The following FTO variants were observed in gnomAD, a reference collection of about 807,000 sequenced individuals.
FTO encodes alpha-ketoglutarate-dependent dioxygenase FTO.
A neutral mutation model predicts 63.9 loss-of-function variants in FTO; 47 were observed. That is an observed-to-expected ratio of 0.74 (90% CI 0.58 to 0.94). The LOEUF (loss-of-function observed/expected upper bound fraction) is 0.94, where lower values mean the gene tolerates loss of function less well. FTO is among the 40% of genes least tolerant of loss of function. The pLI, the probability that FTO is intolerant of heterozygous loss-of-function variation, is 0.00. For missense variants in FTO, 562 were observed against 618.1 expected, an observed-to-expected ratio of 0.91 and a Z score of 0.96; for synonymous variants, 207 against 224.4, an observed-to-expected ratio of 0.92 and a Z score of 0.69.
intron 1 of FTO, among the ~76,000 whole-genome samples, chr16:53,789,183 C>T (rs2077830069): frequency 2.6e-5 from 4 of 152,144 alleles, no homozygotes; most frequent in Admixed American, 2.6e-4. Flanking sequence ...TTGGCATAAC[C>T]TTGTGTCTAA....
At chr16:53,843,554 C>A (rs917676600) in intron 3 of FTO, among the ~76,000 whole-genome samples, 4 of 152,052 alleles carry the variant, frequency 2.6e-5, no homozygotes, top group African/African-American at 9.7e-5. Flanking sequence ...TGGCCTTTAT[C>A]TTACTGATGT....
At chr16:53,894,854 C>T (rs2151915496) in intron 7 of FTO, among the ~76,000 whole-genome samples, 1 of 152,228 alleles carries the variant, frequency 6.6e-6, no homozygotes, top group Non-Finnish European at 1.5e-5. Context: ...TGCTGAGTGA[C>T]TCAAGATAAG....
intron 8 of FTO, chr16:54,061,793 C>T (rs112553201): frequency 0.039 from 5,976 of 152,196 alleles, 182 homozygotes; most frequent in South Asian, 0.15. Flanking sequence ...GTGTGACTGC[C>T]CTGGTGAACA....
intron 4 of FTO, among the ~76,000 whole-genome samples, chr16:53,847,996 T>C (rs1050543341): frequency 6.6e-6 from 1 of 152,148 alleles, no homozygotes; most frequent in Non-Finnish European, 1.5e-5. Flanking sequence ...GTAGGTGATA[T>C]AGTTGGTATC....
At chr16:53,932,416 A>G (rs2082305887) in intron 7 of FTO, among the ~76,000 whole-genome samples, 2 of 149,704 alleles carry the variant, frequency 1.3e-5, no homozygotes, top group Admixed American at 6.6e-5. Flanking sequence ...TTGAGATGGA[A>G]CCTCACTCTG....
At chr16:53,725,406 T>C (rs189944433) in intron 1 of FTO, among the ~76,000 whole-genome samples, 66 of 152,368 alleles carry the variant, frequency 4.3e-4, no homozygotes, top group African/African-American at 1.5e-3. Context: ...GTGAACGGCA[T>C]TATTTGGTCA....
intron 7 of FTO, chr16:53,911,454 C>T (rs531155191): frequency 1.1e-5 from 8 of 703,110 alleles, no homozygotes; most frequent in African/African-American, 3.5e-5. Context: ...CATACCGTTG[C>T]ATTCATCATG....
chr16:53,781,239 C>G (rs2077580453), intron 1 of FTO, among the ~76,000 whole-genome samples: 1 of 152,208 alleles, frequency 6.6e-6, no homozygotes, highest in African/African-American at 2.4e-5. Context: ...CTAGTAGTTC[C>G]TGGTATTTGT....
intron 7 of FTO, among the ~76,000 whole-genome samples, chr16:53,928,756 GTTAAA>G (rs1322371929): frequency 6.6e-6 from 1 of 152,102 alleles, no homozygotes; most frequent in Non-Finnish European, 1.5e-5. Flanking sequence ...AAGTTTTTGA[GTTAAA>G]TTAAATTTTA....
intron 8 of FTO, among the ~76,000 whole-genome samples, chr16:54,092,202 G>A (rs1300338149): frequency 6.6e-6 from 1 of 152,212 alleles, no homozygotes; most frequent in African/African-American, 2.4e-5. Flanking sequence ...ATGATCACTT[G>A]AGCCTGAGAG....
intron 1 of FTO, among the ~76,000 whole-genome samples, chr16:53,731,977 C>T (rs1447246233): frequency 8.6e-5 from 13 of 151,648 alleles, no homozygotes; most frequent in Admixed American, 7.2e-4. Flanking sequence ...CCGCCCACCT[C>T]GGCCTCCCAA....
intron 1 of FTO, among the ~76,000 whole-genome samples, chr16:53,808,547 G>T (rs2078431558): frequency 6.6e-6 from 1 of 152,058 alleles, no homozygotes. Context: ...ATACAAAAAA[G>T]GTCCAGAAAG....
intron 5 of FTO, 57 bp downstream of exon 5, chr16:53,873,922 A>G: frequency 2.3e-6 from 3 of 1,285,142 alleles, no homozygotes; most frequent in Non-Finnish European, 3.4e-6. Flanking sequence ...AAGTGGTTGA[A>G]TGAGCAATTT....
At position 54,119,906 on chromosome 16, in the gene FTO, G is replaced by T. The variant is rs2144649325; in HGVS notation, c.*7991G>T. 1 of 152,346 alleles carries T rather than the reference G, an allele frequency of 6.6e-6. No homozygotes were observed. The highest frequency in any genetic ancestry group is 2.1e-4 in the South Asian group (1 of 4,822). 9.4% of individuals were successfully genotyped at this position (152,346 alleles called of 1,614,324 possible). A position where few individuals can be genotyped will look rare whatever the true frequency, so the allele number is the denominator to read the frequency against. On this transcript the variant is annotated 3_prime_UTR_variant, in exon 9 of 9. Coordinates refer to ENST00000471389, the MANE Select transcript of FTO (RefSeq NM_001080432.3). ...GAGAAGCATGGTTTCACTTCGACCA[G>T]AAATGTCTGTGTATAGTTTTCAAAG...
chr16:53,963,840 C>T (rs766740224), intron 8 of FTO, among the ~76,000 whole-genome samples: 1 of 152,208 alleles, frequency 6.6e-6, no homozygotes, highest in Non-Finnish European at 1.5e-5. Context: ...GCAGCCTCCG[C>T]CTCCCAGGTT....
chr16:53,820,501 T>C (rs1243130190), intron 2 of FTO, among the ~76,000 whole-genome samples: 1 of 151,954 alleles, frequency 6.6e-6, no homozygotes, highest in East Asian at 1.9e-4. Context: ...TATTATACTT[T>C]AAGTTTTAGG....
chr16:53,707,070 T>C (rs1168467227), intron 1 of FTO, among the ~76,000 whole-genome samples: 1 of 152,220 alleles, frequency 6.6e-6, no homozygotes, highest in African/African-American at 2.4e-5. Context: ...TTGTTTTAGT[T>C]TCTTATGGCT....
intron 8 of FTO, among the ~76,000 whole-genome samples, chr16:54,088,056 C>T (rs1294147498): frequency 6.6e-6 from 1 of 152,188 alleles, no homozygotes; most frequent in African/African-American, 2.4e-5. Context: ...ACAATACATT[C>T]ACTTTGTAAA....
intron 8 of FTO, among the ~76,000 whole-genome samples, chr16:54,103,946 T>C (rs2086692549): frequency 6.6e-6 from 1 of 152,190 alleles, no homozygotes; most frequent in Non-Finnish European, 1.5e-5. Context: ...ATTTTAAATG[T>C]AGCGCTTAAG....
Sources: gnomAD v4.1 joint callset for allele counts (sites outside exome capture counted in the v4.1 genomes callset) on GRCh38, gnomAD v4.1.1 for gene constraint, MANE v1.5 for transcripts, NCBI Gene and HGNC (gene_info 2026-07-23, HGNC 2026-07-21) for gene names.